Variants in HEATR3 observed in about 807,000 individuals in gnomAD.
HEATR3 encodes HEAT repeat containing 3, also known as HEAT repeat-containing protein 3.
In HEATR3, 56 loss-of-function variants were observed where a neutral mutation model predicts 72.8. That is an observed-to-expected ratio of 0.77 (90% confidence interval 0.62 to 0.96). HEATR3 has a LOEUF of 0.96. Ranked by LOEUF, HEATR3 falls within the 40% of genes least tolerant of loss-of-function variation. The pLI is 0.00. For missense variants in HEATR3, 747 were observed against 831.4 expected, an observed-to-expected ratio of 0.90 and a Z score of 1.25; for synonymous variants, 331 against 318.1, an observed-to-expected ratio of 1.04 and a Z score of -0.43.
rs184859915 is a variant in HEATR3 at position 50,069,894 on chromosome 16, C to A, written c.400-284C>A. On this transcript the variant is annotated intron_variant, in intron 3 of 14. Transcript: ENST00000299192. ...ATTGTGAGGATTAAATGACTTGATA[C>A]ATGTAAAATGCTTAGAATAGTACTT... is the stretch of plus-strand genomic sequence containing the variant. 3.8e-3 allele frequency among the ~76,000 whole-genome samples: 579 copies of A among 152,300 alleles called. 3 individuals carry two copies. Among genetic ancestry groups the A allele is most frequent in the African/African-American group, 0.013 (552 of 41,552 alleles).
At chr16:50,086,184 A>C in intron 10 of HEATR3, 31 bp from the exon 11 acceptor site, 1 of 1,555,196 alleles carries the variant, frequency 6.4e-7, no homozygotes, top group Non-Finnish European at 8.7e-7. Context: ...CTTCTGGAGA[A>C]TCAGATGGCA....
Position 50,066,077 on chromosome 16 carries a change from A to C in HEATR3, c.-55A>C, listed in dbSNP as rs1597131787. 301 of 1,515,670 alleles carry C rather than the reference A, an allele frequency of 2.0e-4. No individual in the cohort carries two copies. The highest frequency in any genetic ancestry group is 2.5e-4 in the Non-Finnish European group (281 of 1,132,838). 93.9% of individuals were successfully genotyped at this position (1,515,670 alleles called of 1,614,324 possible). ...CCTTGTTAACGGCGCGGCAGCCTCCACCGCCTGCTGTTGCCCTCCTCTCTC... is the reference window on the plus strand; with the variant it reads ...CCTTGTTAACGGCGCGGCAGCCTCCCCCGCCTGCTGTTGCCCTCCTCTCTC... On this transcript the variant is annotated 5_prime_UTR_variant, in exon 1 of 15. Transcript: ENST00000299192.
chr16:50,066,088 T>A lies in HEATR3; in HGVS notation c.-44T>A. 1 of 1,552,172 alleles carries A rather than the reference T, an allele frequency of 6.4e-7. No individual in the cohort carries two copies. Among genetic ancestry groups the A allele is most frequent in the African/African-American group, 1.4e-5 (1 of 72,862 alleles). ...GCGCGGCAGCCTCCACCGCCTGCTG[T>A]TGCCCTCCTCTCTCGGTGGTCTGTC... On this transcript the variant is annotated 5_prime_UTR_variant, in exon 1 of 15. The change creates a new upstream start codon in the 5' untranslated region. Coordinates refer to ENST00000299192, the MANE Select transcript of HEATR3 (RefSeq NM_182922.4).
intron 5 of HEATR3, chr16:50,073,247 C>A (rs1025028831): frequency 1.3e-5 from 2 of 153,188 alleles, no homozygotes; most frequent in Non-Finnish European, 2.9e-5. Context: ...TTGGCTGCCT[C>A]GCCTTCTCTT....
intron 12 of HEATR3, among the ~76,000 whole-genome samples, chr16:50,096,095 C>G (rs370033600): frequency 6.6e-6 from 1 of 151,846 alleles, no homozygotes; most frequent in Non-Finnish European, 1.5e-5. Flanking sequence ...GAGGCTGAGG[C>G]GGGCAGATCA....
chr16:50,104,798 T>G (rs2037445329), intron 14 of HEATR3, 141 bp from the exon 15 acceptor site: 1 of 631,174 alleles, frequency 1.6e-6, no homozygotes. Context: ...CCATTTACCT[T>G]GGAAGTAAAA....
At position 50,094,777 on chromosome 16, in the gene HEATR3, C is replaced by G. The variant is rs144215698; in HGVS notation, c.1583C>G (p.Ser528Cys). ...ALRALLQTMA[S>C]KNISQCMTPD... ...AGGGCCCTTTTGCAAACAATGGCCT[C>G]CAAGAACATTTCCCAGGTAAGAGTT... The change falls in exon 12 of 15, where the codon TCC becomes TGC. Residue 528 changes from serine (S) to cysteine (C), a missense_variant. This residue lies in a region of HEATR3 where 586 missense variants were observed against 708.8 expected (regional missense o/e 0.83). Coordinates refer to ENST00000299192, the MANE Select transcript of HEATR3 (RefSeq NM_182922.4). The G allele has an allele frequency of 2.0e-4, 325 of 1,591,680 alleles. No homozygotes were observed. Among genetic ancestry groups the G allele is most frequent in the Non-Finnish European group, 2.6e-4 (303 of 1,169,436 alleles).
intron 12 of HEATR3, among the ~76,000 whole-genome samples, chr16:50,097,340 C>T (rs1597174620): frequency 1.5e-5 from 1 of 66,194 alleles, no homozygotes; most frequent in Admixed American, 2.7e-4. Flanking sequence ...CATTTATTAG[C>T]TATGATTTTT....
intron 12 of HEATR3, among the ~76,000 whole-genome samples, chr16:50,095,426 T>TA (rs1288933438): frequency 2.1e-3 from 235 of 112,460 alleles, no homozygotes; most frequent in South Asian, 0.016. Flanking sequence ...TTTTTTTTTT[T>TA]AACATTTCAT....
At chr16:50,095,389 G>A (rs2037211459) in intron 12 of HEATR3, among the ~76,000 whole-genome samples, 1 of 145,524 alleles carries the variant, frequency 6.9e-6, no homozygotes. Context: ...TGACAGGCGT[G>A]AACCACCGTA....
chr16:50,101,553 C>G (rs1365594288), intron 13 of HEATR3, among the ~76,000 whole-genome samples: 1 of 152,310 alleles, frequency 6.6e-6, no homozygotes, highest in East Asian at 1.9e-4. Flanking sequence ...TTCTCTTTCT[C>G]TCTTAATCTT....
intron 12 of HEATR3, among the ~76,000 whole-genome samples, chr16:50,096,115 AG>A (rs1204303157): frequency 5.9e-5 from 9 of 151,930 alleles, no homozygotes; most frequent in African/African-American, 2.2e-4. Context: ...ACCTGAGGTC[AG>A]GAAGTCAAGA....
Position 50,086,282 on chromosome 16 carries a change from C to T in HEATR3, c.1441C>T (p.His481Tyr). The T allele has an allele frequency of 6.3e-7, 1 of 1,586,420 alleles. No homozygotes were observed. Among genetic ancestry groups the T allele is most frequent in the Admixed American group, 1.8e-5 (1 of 56,126 alleles). Residue 481 changes from histidine (H) to tyrosine (Y), a missense_variant, in exon 11 of 15, where the codon CAC becomes TAC. His to Tyr is a moderately conservative substitution (Grantham distance 83). This residue lies in a region of HEATR3 where 586 missense variants were observed against 708.8 expected (regional missense o/e 0.83). Coordinates refer to ENST00000299192, the MANE Select transcript of HEATR3 (RefSeq NM_182922.4). ...TCTTGTGTCCCTCCTGGATGTGGAG[C>T]ACCTGGGAGGAGCCGCAGCCCTTCA... ...QSLVSLLDVE[H>Y]LGGAAALQTL...
chr16:50,073,032 A>T, intron 5 of HEATR3: 1 of 265,480 alleles, frequency 3.8e-6, no homozygotes, highest in Non-Finnish European at 7.1e-6. Context: ...AGAAACAGTA[A>T]CGCACAACTA....
chr16:50,102,902 A>G (rs768611522), intron 14 of HEATR3, among the ~76,000 whole-genome samples: 1 of 152,104 alleles, frequency 6.6e-6, no homozygotes, highest in Non-Finnish European at 1.5e-5. Context: ...AGCTGGGATT[A>G]CAGGTGTCCA....
At position 50,100,313 on chromosome 16, in the gene HEATR3, C is replaced by T. The variant is rs145050646; in HGVS notation, c.1683C>T (p.Ser561=). The T allele has an allele frequency of 6.3e-5, 101 of 1,613,940 alleles. No homozygotes were observed. The highest frequency in any genetic ancestry group is 8.1e-5 in the Non-Finnish European group (95 of 1,179,968). ...SNVGVRVNVV[S]ILGITGSVLA... Reference sequence around the variant, plus strand: ...TCGGGGTTAGAGTGAATGTCGTTAGCATTTTAGGAATCACTGGCAGCGTCC... The same window carrying T: ...TCGGGGTTAGAGTGAATGTCGTTAGTATTTTAGGAATCACTGGCAGCGTCC... The change falls in exon 13 of 15, where the codon AGC becomes AGT. Residue 561 remains serine (S), a synonymous_variant. Transcript: ENST00000299192.
intron 11 of HEATR3, among the ~76,000 whole-genome samples, chr16:50,086,589 C>G (rs1234702402): frequency 1.3e-5 from 2 of 152,074 alleles, no homozygotes; most frequent in African/African-American, 4.8e-5. Context: ...TATATCAGGC[C>G]AGTCAAGGCT....
intron 7 of HEATR3, among the ~76,000 whole-genome samples, chr16:50,082,125 T>C (rs1266448256): frequency 1.3e-5 from 2 of 152,120 alleles, no homozygotes; most frequent in Non-Finnish European, 2.9e-5. Flanking sequence ...GTGGATCACT[T>C]GAAGCCAGGA....
intron 7 of HEATR3, among the ~76,000 whole-genome samples, chr16:50,079,314 C>G (rs1487664983): frequency 2.6e-5 from 4 of 152,324 alleles, no homozygotes; most frequent in Admixed American, 6.5e-5. Context: ...GTAACTCTTG[C>G]TTCTCCCCAC....
Sources: allele counts gnomAD v4.1 joint callset (sites outside exome capture counted in the v4.1 genomes callset), GRCh38; gene constraint gnomAD v4.1.1; regional missense constraint gnomAD v4.1.1; transcripts MANE v1.5; gene names NCBI Gene and HGNC (gene_info 2026-07-23, HGNC 2026-07-21).